CPNE1: variants seen among roughly 807,000 people sequenced by gnomAD.
CPNE1 encodes the protein copine-1.
Under a neutral mutation model 63.2 loss-of-function variants are expected in CPNE1, and 58 were observed. That is an observed-to-expected ratio of 0.92 (90% confidence interval 0.74 to 1.14). The LOEUF (loss-of-function observed/expected upper bound fraction) is 1.14, where lower values mean the gene tolerates loss of function less well. CPNE1 is among the 50% of genes most tolerant of loss of function. CPNE1 has a pLI of 0.00. For synonymous variants in CPNE1, 237 were observed against 249.0 expected (o/e 0.95, Z 0.45); for missense variants, 672 against 661.7 (o/e 1.02, Z -0.17).
At chr20:35,628,778 A>AT (rs2031930284) in intron 13 of CPNE1, among the ~76,000 whole-genome samples, 1 of 152,252 alleles carries the variant, frequency 6.6e-6, no homozygotes, top group African/African-American at 2.4e-5. Context: ...CAACATCTGA[A>AT]TAAATGCTAT....
At chr20:35,626,952 C>T (rs1177514355) in intron 14 of CPNE1, 149 bp from the exon 15 acceptor site, 1 of 715,060 alleles carries the variant, frequency 1.4e-6, no homozygotes, top group Non-Finnish European at 2.4e-6. Context: ...CTTTGGGAGG[C>T]TAAGGCAGGC....
At chr20:35,627,725 C>T (rs377490281) in intron 13 of CPNE1, among the ~76,000 whole-genome samples, 3 of 152,038 alleles carry the variant, frequency 2.0e-5, no homozygotes, top group Non-Finnish European at 2.9e-5. Context: ...AATAAGGATC[C>T]GTACTATGGA....
Position 35,626,071 on chromosome 20 carries a change from A to C in CPNE1, c.*170T>G. On this transcript the variant is annotated 3_prime_UTR_variant, in exon 16 of 16. Coordinates refer to ENST00000397443, the MANE Select transcript of CPNE1 (RefSeq NM_152925.3). Reference sequence around the variant, plus strand: ...GGTCTTCACTGGTCTTTATTGAATGAGGGTTGTCAGGAGCAAAGGTGGGAT... The same window carrying C: ...GGTCTTCACTGGTCTTTATTGAATGCGGGTTGTCAGGAGCAAAGGTGGGAT... 1 of 722,816 alleles carries C rather than the reference A, an allele frequency of 1.4e-6. No homozygotes were observed. 44.8% of individuals were successfully genotyped at this position (722,816 alleles called of 1,614,324 possible).
Position 35,632,044 on chromosome 20 carries a change from A to C in CPNE1, c.457-19T>G. 2 of 1,613,094 alleles carry C rather than the reference A, an allele frequency of 1.2e-6. No homozygotes were observed. On this transcript the variant is annotated intron_variant, in intron 5 of 15. Coordinates refer to ENST00000397443, the MANE Select transcript of CPNE1 (RefSeq NM_152925.3). ...GGAAGTCCTGCCAATGCGAGACCCCAGTTACAAGACTCAGGAACAAACAAC... is the reference window on the plus strand; with the variant it reads ...GGAAGTCCTGCCAATGCGAGACCCCCGTTACAAGACTCAGGAACAAACAAC...
chr20:35,655,282 G>T, intron 1 of CPNE1: 1 of 1,612,084 alleles, frequency 6.2e-7, no homozygotes. Flanking sequence ...CATGGTCCCC[G>T]CCACAATTGG....
chr20:35,631,069 C>A lies in CPNE1; in HGVS notation c.862-35G>T, dbSNP rs752141190. On this transcript the variant is annotated intron_variant, in intron 10 of 15. Transcript: ENST00000397443. ...GGTGAGGAAGGCAGCTAAAGGCCAC[C>A]CTGAGCCCCAGACCTGTTCTCTTGC... The A allele has an allele frequency of 3.7e-6, 6 of 1,614,028 alleles. No homozygotes were observed. The Admixed American group carries it at 1.0e-4, about 27-fold the overall frequency.
At chr20:35,636,043 G>C (rs1461540540) in intron 1 of CPNE1, among the ~76,000 whole-genome samples, 2 of 152,270 alleles carry the variant, frequency 1.3e-5, no homozygotes, top group African/African-American at 4.8e-5. Context: ...CCCCAGCCTA[G>C]GGCTCCATGG....
chr20:35,658,332 C>T (rs936726710), intron 1 of CPNE1, among the ~76,000 whole-genome samples: 34 of 152,114 alleles, frequency 2.2e-4, no homozygotes, highest in Non-Finnish European at 1.2e-4. Flanking sequence ...GTCTAAAATG[C>T]TACTAAGGAA....
intron 1 of CPNE1, among the ~76,000 whole-genome samples, chr20:35,635,149 C>A (rs1158512883): frequency 2.6e-5 from 4 of 151,962 alleles, no homozygotes; most frequent in Non-Finnish European, 5.9e-5. Flanking sequence ...AGTCTTTACT[C>A]AAAATAATCT....
At chr20:35,654,597 C>G in intron 1 of CPNE1, 1 of 1,614,176 alleles carries the variant, frequency 6.2e-7, no homozygotes, top group Non-Finnish European at 8.5e-7. Flanking sequence ...GCGGCATGCC[C>G]GACATGGGTG....
intron 13 of CPNE1, among the ~76,000 whole-genome samples, chr20:35,629,058 G>A (rs908532026): frequency 1.3e-5 from 2 of 152,102 alleles, no homozygotes; most frequent in Middle Eastern, 3.2e-3. Context: ...GAATGTGTGT[G>A]TATATGTATA....
chr20:35,635,432 C>A (rs2146295578), intron 1 of CPNE1, among the ~76,000 whole-genome samples: 1 of 152,258 alleles, frequency 6.6e-6, no homozygotes, highest in South Asian at 2.1e-4. Flanking sequence ...CAGCTCCCTG[C>A]CCAGCCAGCT....
Position 35,626,174 on chromosome 20 carries a change from T to G in CPNE1, c.*67A>C. On this transcript the variant is annotated 3_prime_UTR_variant, in exon 16 of 16. Transcript: ENST00000397443. ...CTAGCACTGAGGAGAGTGAGAAGGG[T>G]TGGGTTGTGGCCCAGAGGGACCTCT... The G allele has an allele frequency of 2.7e-6, 4 of 1,494,578 alleles. No homozygotes were observed. Among genetic ancestry groups the G allele is most frequent in the Non-Finnish European group, 2.8e-6 (3 of 1,072,138 alleles). 92.6% of individuals were successfully genotyped at this position (1,494,578 alleles called of 1,614,324 possible).
At chr20:35,648,692 T>C (rs1284283642) in intron 1 of CPNE1, among the ~76,000 whole-genome samples, 1 of 152,230 alleles carries the variant, frequency 6.6e-6, no homozygotes, top group Non-Finnish European at 1.5e-5. Flanking sequence ...ATCATACACA[T>C]AAAATTCTGA....
At chr20:35,632,072 T>C (rs10211771) in intron 5 of CPNE1, 47 bp from the exon 6 acceptor site, 324,438 of 1,604,762 alleles carry the variant, frequency 0.2, 36,766 homozygotes, top group African/African-American at 0.43. Flanking sequence ...CAAACAACCA[T>C]TATGCCATCC....
intron 1 of CPNE1, among the ~76,000 whole-genome samples, chr20:35,633,657 T>C (rs1269407101): frequency 1.3e-5 from 2 of 152,154 alleles, no homozygotes; most frequent in Non-Finnish European, 2.9e-5. Context: ...GCGATCCTAT[T>C]AAAACATAAG....
chr20:35,636,666 G>A (rs1025016356), intron 1 of CPNE1, among the ~76,000 whole-genome samples: 1 of 152,086 alleles, frequency 6.6e-6, no homozygotes, highest in African/African-American at 2.4e-5. Flanking sequence ...GTGTGGTGGT[G>A]CACACCTGTA....
intron 1 of CPNE1, chr20:35,654,447 G>A (rs1436674615): frequency 1.2e-6 from 2 of 1,614,188 alleles, no homozygotes; most frequent in Admixed American, 1.7e-5. Context: ...GCTTCACACT[G>A]CTCTGAGAGT....
chr20:35,653,631 T>A (rs201187053), intron 1 of CPNE1: 5 of 1,614,208 alleles, frequency 3.1e-6, no homozygotes, highest in Non-Finnish European at 4.2e-6. Flanking sequence ...GGATTCCTTC[T>A]AGGAACTGAA....
Sources: allele counts gnomAD v4.1 joint callset (sites outside exome capture counted in the v4.1 genomes callset), GRCh38; gene constraint gnomAD v4.1.1; transcripts MANE v1.5; gene names NCBI Gene and HGNC (gene_info 2026-07-23, HGNC 2026-07-21).